Variants in LPAR6 observed in about 807,000 individuals in gnomAD.
LPAR6 encodes the protein lysophosphatidic acid receptor 6, also known as G-protein coupled purinergic receptor P2Y5.
LPAR6 carries 17 observed loss-of-function variants against 22.0 expected under a neutral mutation model. That is an observed-to-expected ratio of 0.77 (90% confidence interval 0.53 to 1.16). The LOEUF (loss-of-function observed/expected upper bound fraction) is 1.16. Ranked by LOEUF, LPAR6 falls within the 50% of genes most tolerant of loss-of-function variation. The pLI is 0.00. For synonymous variants in LPAR6, 136 were observed against 139.8 expected (o/e 0.97, Z 0.19); for missense variants, 384 against 406.9 (o/e 0.94, Z 0.48).
At chr13:48,401,897 AG>A (rs1948695347) in intron 1 of LPAR6, among the ~76,000 whole-genome samples, 1 of 152,216 alleles carries the variant, frequency 6.6e-6, no homozygotes, top group Non-Finnish European at 1.5e-5. Context: ...AATTCTTCAA[AG>A]ACTAACATAA....
intron 1 of LPAR6, among the ~76,000 whole-genome samples, chr13:48,398,607 A>G (rs1001309599): frequency 6.6e-6 from 1 of 151,874 alleles, no homozygotes; most frequent in African/African-American, 2.4e-5. Flanking sequence ...AGCTCTCTTT[A>G]AGTAATTTGT....
chr13:48,424,345 G>A lies in LPAR6; in HGVS notation c.-1094-1555C>T, dbSNP rs150112532. On this transcript the variant is annotated intron_variant, in intron 1 of 4. Coordinates refer to the LPAR6 transcript ENST00000345941. Reference sequence around the variant, plus strand: ...TTAATACTTTATGTTACTTTTTACCGGAATGTGAGTCATCTACCCAAGTTC... The same window carrying A: ...TTAATACTTTATGTTACTTTTTACCAGAATGTGAGTCATCTACCCAAGTTC... 3.4e-3 allele frequency among the ~76,000 whole-genome samples: 520 copies of A among 152,072 alleles called. 7 individuals carry two copies. Among genetic ancestry groups the A allele is most frequent in the African/African-American group, 0.012 (503 of 41,464 alleles).
chr13:48,441,159 A>T (rs184983958), intron 1 of LPAR6, among the ~76,000 whole-genome samples: 2 of 152,328 alleles, frequency 1.3e-5, no homozygotes, highest in East Asian at 3.9e-4. Flanking sequence ...TTTCCAGCAG[A>T]TCTGATATCT....
chr13:48,433,788 G>A (rs562337608), intron 1 of LPAR6, among the ~76,000 whole-genome samples: 3 of 151,486 alleles, frequency 2.0e-5, no homozygotes, highest in South Asian at 4.2e-4. Context: ...GGCTTATTCA[G>A]ATTTATTCCA....
intron 1 of LPAR6, chr13:48,391,625 T>C (rs966005438): frequency 1.3e-5 from 2 of 152,248 alleles, no homozygotes; most frequent in Non-Finnish European, 2.9e-5. Context: ...TTTCTATTTT[T>C]TTTTTCTTTT....
At chr13:48,437,526 A>G (rs1949196198) in intron 1 of LPAR6, among the ~76,000 whole-genome samples, 3 of 152,218 alleles carry the variant, frequency 2.0e-5, no homozygotes, top group South Asian at 4.1e-4. Context: ...TAAATTGTCA[A>G]CCAAGGCTGC....
chr13:48,421,844 C>T (rs1364525553), intron 2 of LPAR6, among the ~76,000 whole-genome samples: 2 of 152,002 alleles, frequency 1.3e-5, no homozygotes, highest in Admixed American at 6.6e-5. Context: ...GTTAGAATGG[C>T]GATTATTAAA....
chr13:48,391,067 G>A (rs539520177), intron 1 of LPAR6, among the ~76,000 whole-genome samples: 1 of 151,682 alleles, frequency 6.6e-6, no homozygotes, highest in East Asian at 1.9e-4. Flanking sequence ...CTTTTGGATT[G>A]AATTTTTAAA....
chr13:48,405,188 A>G lies in LPAR6; in HGVS notation n.114+10512T>C, dbSNP rs141409750. On this transcript the variant is annotated intron_variant and non_coding_transcript_variant, in intron 1 of 1. Transcript: ENST00000462781. ...AACAAGCCCAGAAAATGTTTGTTCCACATGAGAAATCAGATAGTTTCATAA... is the reference window on the plus strand; with the variant it reads ...AACAAGCCCAGAAAATGTTTGTTCCGCATGAGAAATCAGATAGTTTCATAA... Among the ~76,000 whole-genome samples, 846 of 152,366 alleles carry G rather than the reference A, an allele frequency of 5.6e-3. 5 individuals are homozygous for G. The highest frequency in any genetic ancestry group is 0.01 in the Middle Eastern group (3 of 294).
chr13:48,418,111 A>G (rs1180617924), upstream of LPAR6, among the ~76,000 whole-genome samples: 3 of 152,208 alleles, frequency 2.0e-5, no homozygotes, highest in Admixed American at 2.0e-4. Flanking sequence ...GAAGGAAAAA[A>G]TGTTAAAAGC....
intron 2 of LPAR6, among the ~76,000 whole-genome samples, chr13:48,419,126 A>C (rs112083806): frequency 0.011 from 1,643 of 152,268 alleles, 30 homozygotes; most frequent in African/African-American, 0.037. Flanking sequence ...AAAACTAACC[A>C]CATGATTGGG....
Position 48,412,952 on chromosome 13 carries a change from T to G in LPAR6, c.-529A>C, listed in dbSNP as rs963233261. On this transcript the variant is annotated 5_prime_UTR_variant, in exon 1 of 1. Transcript: ENST00000620633. ...GTCCCATTTTACTTCTTGCTTCTTTTAAATGAAGTTTTCCTTTTTTGTTTT... is the reference window on the plus strand; with the variant it reads ...GTCCCATTTTACTTCTTGCTTCTTTGAAATGAAGTTTTCCTTTTTTGTTTT... 2 of 169,504 alleles carry G rather than the reference T, an allele frequency of 1.2e-5. No homozygotes were observed. Among genetic ancestry groups the G allele is most frequent in the African/African-American group, 4.8e-5 (2 of 41,474 alleles). The allele number at this position is 169,504 out of a possible 1,614,324, so 10.5% of individuals were successfully genotyped here.
chr13:48,422,140 G>A (rs866561720), intron 2 of LPAR6, among the ~76,000 whole-genome samples: 2 of 152,124 alleles, frequency 1.3e-5, no homozygotes, highest in Non-Finnish European at 2.9e-5. Context: ...ATGATAGACA[G>A]GATAAAGAAA....
At position 48,411,591 on chromosome 13, in the gene LPAR6, C is replaced by T; in HGVS notation, c.833G>A (p.Cys278Tyr). Residue 278 changes from cysteine to tyrosine, a missense_variant, in exon 1 of 1, where the codon TGT becomes TAT. Physicochemically the swap from Cys to Tyr is radical, Grantham distance 194. Transcript: ENST00000620633. ...AAAACAACAGTTGGAAACAGCAATA[C>T]AGAGAGTGATTGGGTACATTGTCCT... Reference protein sequence around the residue: ...AVRTMYPITLCIAVSNCCFDP... With the variant: ...AVRTMYPITLYIAVSNCCFDP... 6.2e-7 allele frequency: 1 copy of T among 1,612,976 alleles called. No individual in the cohort carries two copies. The highest frequency in any genetic ancestry group is 1.1e-5 in the South Asian group (1 of 91,064).
rs750415786 is a variant in LPAR6 at position 48,411,476 on chromosome 13, G to C, written c.948C>G (p.Phe316Leu). 1 of 1,609,594 alleles carries C rather than the reference G, an allele frequency of 6.2e-7. No individual in the cohort carries two copies. The highest frequency in any genetic ancestry group is 2.2e-5 in the East Asian group (1 of 44,806). Reference sequence around the variant, plus strand: ...AATTCTCTGCACCATGAACTTCAGAGAATCTGAAGTCACTTCTCCTGACAG... The same window carrying C: ...AATTCTCTGCACCATGAACTTCAGACAATCTGAAGTCACTTCTCCTGACAG... ...NWSVRRSDFR[F>L]SEVHGAENFI... Residue 316 changes from phenylalanine to leucine, a missense_variant, in exon 1 of 1, where the codon TTC becomes TTG. Coordinates refer to ENST00000620633, the MANE Select transcript of LPAR6 (RefSeq NM_001162498.3).
At chr13:48,440,324 T>C (rs1287106788) in intron 1 of LPAR6, among the ~76,000 whole-genome samples, 1 of 152,196 alleles carries the variant, frequency 6.6e-6, no homozygotes, top group Non-Finnish European at 1.5e-5. Flanking sequence ...ATTTGGGAGA[T>C]AACTTTTGCT....
chr13:48,406,356 A>T (rs1171641398), downstream of LPAR6, among the ~76,000 whole-genome samples: 1 of 152,170 alleles, frequency 6.6e-6, no homozygotes, highest in Non-Finnish European at 1.5e-5. Context: ...TATTCTTCTC[A>T]TCTATTATCA....
At chr13:48,415,762 G>C (rs1367781223), upstream of LPAR6, 1 of 152,186 alleles carries the variant, frequency 6.6e-6, no homozygotes, top group Non-Finnish European at 1.5e-5. Context: ...TCATAAACTT[G>C]AATTTTGTTG....
At chr13:48,434,355 A>G (rs1272237673) in intron 1 of LPAR6, among the ~76,000 whole-genome samples, 1 of 152,130 alleles carries the variant, frequency 6.6e-6, no homozygotes, top group African/African-American at 2.4e-5. Flanking sequence ...ATAAAAACGG[A>G]GAAAAAAAAT....
Sources: allele counts gnomAD v4.1 joint callset (sites outside exome capture counted in the v4.1 genomes callset), GRCh38; gene constraint gnomAD v4.1.1; transcripts MANE v1.5; gene names NCBI Gene and HGNC (gene_info 2026-07-23, HGNC 2026-07-21).